The following PRPSAP2 variants were observed in gnomAD, a reference collection of about 807,000 sequenced individuals.
PRPSAP2 encodes the protein phosphoribosyl pyrophosphate synthase-associated protein 2.
Under a neutral mutation model 40.6 loss-of-function variants are expected in PRPSAP2, and 24 were observed. The ratio of observed to expected loss-of-function variants is 0.59; its 90% CI spans 0.43 to 0.83. The LOEUF is 0.83. PRPSAP2 is among the 40% of genes least tolerant of loss of function. PRPSAP2 has a pLI of 0.00. For missense variants in PRPSAP2, 292 were observed against 465.6 expected (o/e 0.63, Z 3.43); for synonymous variants, 149 against 164.7 (o/e 0.90, Z 0.73).
intron 9 of PRPSAP2, among the ~76,000 whole-genome samples, chr17:18,915,018 A>G (rs978200404): frequency 1.7e-5 from 2 of 118,402 alleles, no homozygotes; most frequent in East Asian, 4.6e-4. Context: ...GAACCACTGC[A>G]CCCGACCTTT....
chr17:18,923,251 G>A (rs1277168111), intron 9 of PRPSAP2, among the ~76,000 whole-genome samples: 22 of 146,314 alleles, frequency 1.5e-4, no homozygotes, highest in Middle Eastern at 3.5e-3. Context: ...TAGCACACTT[G>A]GCTAATTTTT....
intron 4 of PRPSAP2, among the ~76,000 whole-genome samples, chr17:18,871,121 GCAGTTCTCCTGCCT>G (rs2037830435): frequency 6.6e-6 from 1 of 152,138 alleles, no homozygotes; most frequent in Non-Finnish European, 1.5e-5. Flanking sequence ...CCAGGTTCAA[GCAGTTCTCCTGCCT>G]CAGCCTCCTG....
chr17:18,928,608 G>T, intron 10 of PRPSAP2: 2 of 594,476 alleles, frequency 3.4e-6, no homozygotes, highest in Non-Finnish European at 6.1e-6. Flanking sequence ...CAGGTGCTGT[G>T]CAGGAAGAGG....
chr17:18,881,898 T>G (rs1196265047), intron 6 of PRPSAP2, among the ~76,000 whole-genome samples: 18 of 146,900 alleles, frequency 1.2e-4, no homozygotes, highest in African/African-American at 4.3e-4. Flanking sequence ...TGGAGTGCAG[T>G]GGCATGATCT....
chr17:18,908,678 T>G, intron 8 of PRPSAP2: 4 of 723,658 alleles, frequency 5.5e-6, no homozygotes, highest in Non-Finnish European at 1.0e-5. Context: ...CCAGAGCTGC[T>G]GGCCATCCAC....
At chr17:18,868,479 A>AG (rs1491149539) in intron 4 of PRPSAP2, among the ~76,000 whole-genome samples, 1 of 150,734 alleles carries the variant, frequency 6.6e-6, no homozygotes, top group Admixed American at 6.6e-5. Flanking sequence ...ACTTTGTCTC[A>AG]GGGGAAAAAA....
chr17:18,889,740 C>G, intron 7 of PRPSAP2, 82 bp from the exon 8 acceptor site: 1 of 1,142,572 alleles, frequency 8.8e-7, no homozygotes, highest in Middle Eastern at 2.0e-4. Flanking sequence ...GGAAAACTTT[C>G]AACTAGCCAA....
At chr17:18,877,009 G>C (rs2038349498) in intron 5 of PRPSAP2, among the ~76,000 whole-genome samples, 1 of 152,148 alleles carries the variant, frequency 6.6e-6, no homozygotes, top group Non-Finnish European at 1.5e-5. Flanking sequence ...CAAAGGACGA[G>C]AGGGAACAGA....
chr17:18,861,973 C>T (rs922839918), intron 1 of PRPSAP2, among the ~76,000 whole-genome samples: 3 of 152,082 alleles, frequency 2.0e-5, no homozygotes, highest in South Asian at 2.1e-4. Context: ...CTGCAACCTC[C>T]GCCTCCCAGG....
intron 7 of PRPSAP2, among the ~76,000 whole-genome samples, 161 bp from the exon 8 acceptor site, chr17:18,889,660 AT>A (rs1751605866): frequency 6.6e-6 from 1 of 152,138 alleles, no homozygotes; most frequent in African/African-American, 2.4e-5. Flanking sequence ...AGTTAGTAAT[AT>A]TTTTTCATAG....
intron 8 of PRPSAP2, among the ~76,000 whole-genome samples, chr17:18,907,712 A>C (rs2040685710): frequency 6.6e-6 from 1 of 152,258 alleles, no homozygotes; most frequent in Non-Finnish European, 1.5e-5. Context: ...GGAATTAAGA[A>C]TAATTCTAAT....
intron 8 of PRPSAP2, among the ~76,000 whole-genome samples, chr17:18,896,600 T>TTG (rs2039921684): frequency 6.7e-6 from 1 of 149,010 alleles, no homozygotes; most frequent in African/African-American, 2.5e-5. Context: ...TTTTTTTTTT[T>TTG]GTCTAGCCCC....
intron 9 of PRPSAP2, among the ~76,000 whole-genome samples, chr17:18,913,886 T>G (rs1274273114): frequency 6.6e-6 from 1 of 151,450 alleles, no homozygotes. Flanking sequence ...ATCAAATGTT[T>G]GCTTGGTGGC....
chr17:18,910,414 A>T (rs901149231), intron 8 of PRPSAP2, among the ~76,000 whole-genome samples: 1 of 151,764 alleles, frequency 6.6e-6, no homozygotes, highest in African/African-American at 2.4e-5. Flanking sequence ...ACAGAGCAAG[A>T]CTCCATCTCA....
chr17:18,906,362 C>T (rs1253528411), intron 8 of PRPSAP2, among the ~76,000 whole-genome samples: 2 of 152,058 alleles, frequency 1.3e-5, no homozygotes, highest in East Asian at 1.9e-4. Context: ...ACTACAGGCG[C>T]GTGCTACCAC....
Position 18,928,968 on chromosome 17 carries a change from C to A in PRPSAP2, c.951+11C>A. On this transcript the variant is annotated intron_variant, in intron 11 of 11. Transcript: ENST00000268835. Reference sequence around the variant, plus strand: ...TCTGCCATTGATGAGGTAACAGGGTCTGGGTGTGTGTGGGTACAGCTGCCT... The same window carrying A: ...TCTGCCATTGATGAGGTAACAGGGTATGGGTGTGTGTGGGTACAGCTGCCT... 1.2e-6 allele frequency: 2 copies of A among 1,611,106 alleles called. No homozygotes were observed. Among genetic ancestry groups the A allele is most frequent in the South Asian group, 2.2e-5 (2 of 90,920 alleles).
Position 18,868,902 on chromosome 17 carries a change from G to C in PRPSAP2, c.172+1568G>C, listed in dbSNP as rs551927363. 3.6e-4 allele frequency among the ~76,000 whole-genome samples: 54 copies of C among 152,078 alleles called. 1 individual carries two copies. The highest frequency in any genetic ancestry group is 3.4e-3 in the Middle Eastern group (1 of 294). On this transcript the variant is annotated intron_variant, in intron 4 of 11. Transcript: ENST00000268835. ...ATATTTACATATTATAAAGCCTACA[G>C]GAGGCTTTGATAAAAAGGCACAAGT...
At chr17:18,865,125 G>A (rs926409194) in intron 1 of PRPSAP2, among the ~76,000 whole-genome samples, 12 of 152,202 alleles carry the variant, frequency 7.9e-5, no homozygotes, top group African/African-American at 1.7e-4. Context: ...GATTACAGGC[G>A]TGAGCCACCA....
rs1028252212 is a variant in PRPSAP2 at position 18,891,942 on chromosome 17, C to T, written c.584+2065C>T. ...CACGATCTCAGCTCACTGCAACCTC[C>T]GCCTCCTGGGTTCAAGCAATTCTCC... On this transcript the variant is annotated intron_variant, in intron 8 of 11. Coordinates refer to ENST00000268835, the MANE Select transcript of PRPSAP2 (RefSeq NM_002767.4). Among the ~76,000 whole-genome samples the T allele has an allele frequency of 4.6e-5, 7 of 152,304 alleles. No individual in the cohort carries two copies. In the East Asian group the frequency reaches 5.8e-4, roughly 13 times the overall value.
Sources: gnomAD v4.1 joint callset for allele counts (sites outside exome capture counted in the v4.1 genomes callset) on GRCh38, gnomAD v4.1.1 for gene constraint, MANE v1.5 for transcripts, NCBI Gene and HGNC (gene_info 2026-07-23, HGNC 2026-07-21) for gene names.